ANKFN1: variants seen among roughly 807,000 people sequenced by gnomAD.
ANKFN1 encodes ankyrin repeat and fibronectin type III domain containing 1.
Under a neutral mutation model 108.7 loss-of-function variants are expected in ANKFN1, and 74 were observed. That is an observed-to-expected ratio of 0.68 (90% CI 0.56 to 0.83). The LOEUF (loss-of-function observed/expected upper bound fraction) is 0.83, where lower values mean the gene tolerates loss of function less well. Among genes scored for constraint, ANKFN1 ranks in the 40% least tolerant of loss-of-function variants. The pLI is 0.00. For missense variants in ANKFN1, 1,505 were observed against 1,382.3 expected, an observed-to-expected ratio of 1.09 and a Z score of -1.41; for synonymous variants, 547 against 516.2, an observed-to-expected ratio of 1.06 and a Z score of -0.81.
intron 4 of ANKFN1, among the ~76,000 whole-genome samples, chr17:56,340,861 A>C (rs895364078): frequency 3.3e-5 from 5 of 152,030 alleles, no homozygotes; most frequent in Non-Finnish European, 7.4e-5. Flanking sequence ...GTAGTTTAAT[A>C]GGAGTAGCAT....
chr17:56,113,019 C>T (rs904031418), intron 4 of ANKFN1, among the ~76,000 whole-genome samples: 1 of 152,180 alleles, frequency 6.6e-6, no homozygotes, highest in African/African-American at 2.4e-5. Context: ...TGAGCTAAAT[C>T]GTATATGCAA....
At position 56,090,907 on chromosome 17, in the gene ANKFN1, T is replaced by C. The variant is rs192281235; in HGVS notation, c.288+44582T>C. Among the ~76,000 whole-genome samples, 205 of 151,390 alleles carry C rather than the reference T, an allele frequency of 1.4e-3. 3 individuals carry two copies. Among genetic ancestry groups the C allele is most frequent in the African/African-American group, 4.6e-3 (189 of 41,306 alleles). On this transcript the variant is annotated intron_variant, in intron 4 of 12. Transcript: ENST00000635860. ...ACAGGTGTGAGCCACCGTGCCTGGC[T>C]AGGCGTTTGCTTTAATTTGAATATA...
At chr17:56,158,366 A>G (rs1165745081) in intron 1 of ANKFN1, among the ~76,000 whole-genome samples, 1 of 152,246 alleles carries the variant, frequency 6.6e-6, no homozygotes, top group African/African-American at 2.4e-5. Context: ...AAGCAATCTT[A>G]GCCTCCACAA....
chr17:56,309,332 C>G (rs1445059032), intron 3 of ANKFN1, among the ~76,000 whole-genome samples: 1 of 152,090 alleles, frequency 6.6e-6, no homozygotes, highest in Non-Finnish European at 1.5e-5. Context: ...CAAATTTATA[C>G]TTATAAAATT....
intron 1 of ANKFN1, among the ~76,000 whole-genome samples, chr17:56,174,617 A>G (rs1910963314): frequency 1.3e-5 from 2 of 152,136 alleles, no homozygotes; most frequent in African/African-American, 4.8e-5. Flanking sequence ...CTATAATTAG[A>G]CAGAGCACAA....
chr17:56,073,941 TTG>T (rs1232679948), intron 4 of ANKFN1, among the ~76,000 whole-genome samples: 1 of 152,224 alleles, frequency 6.6e-6, no homozygotes, highest in East Asian at 1.9e-4. Context: ...CTTTTGGAGA[TTG>T]TGTTACTTGA....
intron 20 of ANKFN1, among the ~76,000 whole-genome samples, chr17:56,504,169 G>A (rs2051475410): frequency 6.6e-6 from 1 of 152,192 alleles, no homozygotes; most frequent in Non-Finnish European, 1.5e-5. Flanking sequence ...CACCATGCAA[G>A]TCAAATATTT....
intron 4 of ANKFN1, among the ~76,000 whole-genome samples, chr17:56,077,769 G>A (rs1286754766): frequency 6.6e-6 from 1 of 151,822 alleles, no homozygotes; most frequent in Non-Finnish European, 1.5e-5. Flanking sequence ...TCCCACCTTG[G>A]AATGTTTACT....
chr17:56,385,292 T>C (rs997579819), intron 8 of ANKFN1, among the ~76,000 whole-genome samples: 5 of 152,182 alleles, frequency 3.3e-5, no homozygotes, highest in Non-Finnish European at 5.9e-5. Flanking sequence ...ACTGGATCCC[T>C]TCCTTACACC....
chr17:56,296,450 G>A (rs537990653), intron 3 of ANKFN1, among the ~76,000 whole-genome samples: 2 of 152,222 alleles, frequency 1.3e-5, no homozygotes, highest in South Asian at 4.2e-4. Context: ...TTGGGAGGCC[G>A]AGGCAGGCAG....
At chr17:56,407,919 A>G (rs2144973267) in intron 8 of ANKFN1, among the ~76,000 whole-genome samples, 1 of 148,854 alleles carries the variant, frequency 6.7e-6, no homozygotes, top group Middle Eastern at 3.4e-3. Flanking sequence ...AAATATTTAA[A>G]ATCTTTTTTA....
intron 8 of ANKFN1, among the ~76,000 whole-genome samples, chr17:56,376,396 C>A (rs1435398665): frequency 1.3e-5 from 2 of 152,158 alleles, no homozygotes; most frequent in Non-Finnish European, 2.9e-5. Flanking sequence ...TGAAACCACC[C>A]AGGATGGCCC....
intron 16 of ANKFN1, among the ~76,000 whole-genome samples, chr17:56,478,355 T>C (rs1181941938): frequency 6.6e-6 from 1 of 152,216 alleles, no homozygotes; most frequent in African/African-American, 2.4e-5. Context: ...CTTTCTGTTT[T>C]TAAATATCGC....
intron 15 of ANKFN1, chr17:56,472,450 C>A (rs914827535): frequency 6.6e-6 from 1 of 152,116 alleles, no homozygotes; most frequent in Non-Finnish European, 1.5e-5. Context: ...TGATCAATGA[C>A]GAGAAGGTGG....
intron 4 of ANKFN1, among the ~76,000 whole-genome samples, chr17:56,056,189 G>C (rs1904874473): frequency 6.6e-6 from 1 of 151,896 alleles, no homozygotes; most frequent in African/African-American, 2.4e-5. Context: ...TGTTTACTCA[G>C]TTGATTCTTT....
intron 4 of ANKFN1, among the ~76,000 whole-genome samples, chr17:56,106,591 T>A (rs1430574710): frequency 6.6e-6 from 1 of 152,218 alleles, no homozygotes; most frequent in African/African-American, 2.4e-5. Context: ...AGGGTTGGAA[T>A]CTGAAATCCC....
intron 1 of ANKFN1, among the ~76,000 whole-genome samples, chr17:56,163,036 A>C (rs1172374965): frequency 6.8e-6 from 1 of 146,444 alleles, no homozygotes; most frequent in African/African-American, 2.5e-5. Flanking sequence ...ACTCCATCTC[A>C]AAAAAAAAAA....
At chr17:56,383,474 A>G (rs2047166539) in intron 8 of ANKFN1, among the ~76,000 whole-genome samples, 1 of 152,226 alleles carries the variant, frequency 6.6e-6, no homozygotes, top group African/African-American at 2.4e-5. Flanking sequence ...AGAAATAACT[A>G]AAATCAGAGC....
chr17:56,391,092 G>A (rs144823655), intron 8 of ANKFN1, among the ~76,000 whole-genome samples: 53 of 150,944 alleles, frequency 3.5e-4, no homozygotes, highest in African/African-American at 1.2e-3. Context: ...AAAATGTTCC[G>A]TGGACACTTC....
Sources: allele counts gnomAD v4.1 joint callset (sites outside exome capture counted in the v4.1 genomes callset), GRCh38; gene constraint gnomAD v4.1.1; transcripts MANE v1.5; gene names NCBI Gene and HGNC (gene_info 2026-07-23, HGNC 2026-07-21).